The following LDB1 variants were observed in gnomAD, a reference collection of about 807,000 sequenced individuals.
LDB1 encodes the protein LIM domain binding 1, also known as LIM domain-binding protein 1.
A neutral mutation model predicts 49.7 loss-of-function variants in LDB1; 6 were observed. That is an observed-to-expected ratio of 0.12 (90% CI 0.07 to 0.24). The LOEUF (loss-of-function observed/expected upper bound fraction) is 0.24, where lower values mean the gene tolerates loss of function less well. Ranked by LOEUF, LDB1 falls within the 10% of genes least tolerant of loss-of-function variation. The pLI is 1.00. For missense variants in LDB1, 341 were observed against 561.7 expected, an observed-to-expected ratio of 0.61 and a Z score of 3.97; for synonymous variants, 233 against 202.0, an observed-to-expected ratio of 1.15 and a Z score of -1.30.
chr10:102,109,816 A>G lies in LDB1; in HGVS notation c.648+105T>C. Reference sequence around the variant, plus strand: ...TTAAACCTGCTGTTCAGATGAAGAAACCCTAACCCTCTGTCTAAGTAGTCA... The same window carrying G: ...TTAAACCTGCTGTTCAGATGAAGAAGCCCTAACCCTCTGTCTAAGTAGTCA... On this transcript the variant is annotated intron_variant, in intron 7 of 10. Coordinates refer to ENST00000673968, the MANE Select transcript of LDB1 (RefSeq NM_001113407.3). The surrounding 1 kb of genome is among the most constrained non-coding windows in gnomAD (Gnocchi z 5.8). 2.6e-6 allele frequency: 4 copies of G among 1,561,856 alleles called. No individual in the cohort carries two copies. Among genetic ancestry groups the G allele is most frequent in the Non-Finnish European group, 1.8e-6 (2 of 1,142,744 alleles).
chr10:102,114,812 G>GGGCGCCCCCCCCCCCCCCC, intron 1 of LDB1: 4 of 929,814 alleles, frequency 4.3e-6, no homozygotes, highest in Non-Finnish European at 5.1e-6. Context: ...CCTCCGAGCA[G>GGGCGCCCCCCCCCCCCCCC]CCCGCCCGCC....
At chr10:102,112,939 ACT>A (rs1201349569) in intron 1 of LDB1, among the ~76,000 whole-genome samples, 2 of 152,058 alleles carry the variant, frequency 1.3e-5, no homozygotes, top group East Asian at 1.9e-4. Context: ...TACCCCTGCA[ACT>A]CTGTTTCCCC....
In LDB1 at chr10:102,107,878, C is replaced by T. The variant is rs2068188142; in HGVS notation, c.*215G>A. 1 of 594,698 alleles carries T rather than the reference C, an allele frequency of 1.7e-6. No homozygotes were observed. The highest frequency in any genetic ancestry group is 3.0e-5 in the Admixed American group (1 of 33,294). The allele number at this position is 594,698 out of a possible 1,614,324, so 36.8% of individuals were successfully genotyped here. A position where few individuals can be genotyped will look rare whatever the true frequency, so the allele number is the denominator to read the frequency against. ...GTAGGCATCCACATGAGTACCCCCT[C>T]CCCCTAAAAGGCTCTGTAGAGGCCA... On this transcript the variant is annotated 3_prime_UTR_variant, in exon 11 of 11. Transcript: ENST00000673968.
chr10:102,114,600 C>T, intron 1 of LDB1: 4 of 985,110 alleles, frequency 4.1e-6, no homozygotes, highest in Non-Finnish European at 4.8e-6. Flanking sequence ...CGCCCCGCGG[C>T]GGCCGCTGTC....
intron 1 of LDB1, among the ~76,000 whole-genome samples, chr10:102,119,208 A>G (rs958956808): frequency 2.6e-5 from 4 of 152,158 alleles, no homozygotes; most frequent in Middle Eastern, 3.4e-3. Flanking sequence ...GGGGATGGAG[A>G]CAGACAGTGT....
In LDB1 at chr10:102,109,532, T is replaced by C. The variant is rs2068219025; in HGVS notation, c.733-25A>G. The C allele has an allele frequency of 1.9e-6, 3 of 1,613,974 alleles. No homozygotes were observed. The highest frequency in any genetic ancestry group is 1.7e-6 in the Non-Finnish European group (2 of 1,180,008). ...GCTAGGGGTAGACAAGGAGGTGGCT[T>C]GTCAGGGGACAGACATGGAGCCGAG... On this transcript the variant is annotated intron_variant, in intron 8 of 10. Coordinates refer to ENST00000673968, the MANE Select transcript of LDB1 (RefSeq NM_001113407.3). The surrounding 1 kb of genome is among the most constrained non-coding windows in gnomAD (Gnocchi z 5.8).
chr10:102,110,405 G>T, intron 6 of LDB1, 124 bp downstream of exon 6: 2 of 965,896 alleles, frequency 2.1e-6, no homozygotes, highest in Non-Finnish European at 3.1e-6. Flanking sequence ...ATGCCTACCC[G>T]CCCTTCTTAT....
intron 1 of LDB1, among the ~76,000 whole-genome samples, chr10:102,116,912 C>T (rs1211184335): frequency 6.6e-6 from 1 of 151,606 alleles, no homozygotes; most frequent in Non-Finnish European, 1.5e-5. Flanking sequence ...AGTGCATTCA[C>T]AGGCAGTACC....
At position 102,109,632 on chromosome 10, in the gene LDB1, C is replaced by A; in HGVS notation, c.700G>T (p.Gly234Trp). Residue 234 changes from glycine to tryptophan, a missense_variant, in exon 8 of 11, where the codon GGG (glycine) becomes TGG (tryptophan). Coordinates refer to ENST00000673968, the MANE Select transcript of LDB1 (RefSeq NM_001113407.3). This position sits in a 1 kb window ranked among gnomAD's most constrained non-coding sequence, Gnocchi z 5.8. ...DQLSKNITRC[G>W]LSNSTLNYLR... ...TAGTTGAGAGTGGAATTGGACAGCC[C>A]ACACCGAGTGATGTTTTTGGAGAGC... 1 of 1,614,058 alleles carries A rather than the reference C, an allele frequency of 6.2e-7. No individual in the cohort carries two copies. Among genetic ancestry groups the A allele is most frequent in the South Asian group, 1.1e-5 (1 of 91,064 alleles).
At chr10:102,114,749 C>T in intron 1 of LDB1, 9 of 853,454 alleles carry the variant, frequency 1.1e-5, no homozygotes, top group Non-Finnish European at 1.3e-5. Context: ...GCTCTTTCCT[C>T]TCTCCTCCTC....
intron 1 of LDB1, 113 bp from the exon 2 acceptor site, chr10:102,111,649 G>A (rs1184799744): frequency 3.3e-6 from 2 of 610,928 alleles, no homozygotes; most frequent in Non-Finnish European, 5.7e-6. Context: ...CGAGGCTGCA[G>A]GGACCAGCCT....
chr10:102,114,570 TCG>T lies in LDB1; in HGVS notation c.26-3036_26-3035del, dbSNP rs980054161. The T allele has an allele frequency of 2.0e-5, 20 of 984,660 alleles. No homozygotes were observed. The African/African-American group carries it at 3.0e-4, about 15-fold the overall frequency. The allele number at this position is 984,660 out of a possible 1,614,324, so 61.0% of individuals were successfully genotyped here. A position where few individuals can be genotyped will look rare whatever the true frequency, so the allele number is the denominator to read the frequency against. Reference sequence around the variant, plus strand: ...TCCAGTCCGCCGGCCGCACAAAGACTCGCACGCACTGCCTCGGCCCGCCCCGC... The same window carrying T: ...TCCAGTCCGCCGGCCGCACAAAGACTCACGCACTGCCTCGGCCCGCCCCGC... On this transcript the variant is annotated intron_variant, in intron 1 of 10. Coordinates refer to ENST00000673968, the MANE Select transcript of LDB1 (RefSeq NM_001113407.3).
chr10:102,120,930 T>G (rs2068412544), upstream of LDB1, among the ~76,000 whole-genome samples: 5 of 152,206 alleles, frequency 3.3e-5, no homozygotes, highest in South Asian at 1.0e-3. Flanking sequence ...GCCAGCCTTC[T>G]TCTGGAGGCC....
In LDB1 at chr10:102,111,271, A is replaced by G; in HGVS notation, c.158T>C (p.Leu53Pro). ...GPTPMYPPTY[L>P]EPGIGRHTPY... ...CTCCACTTACCCAATCCCTGGCTCC[A>G]GGTATGTAGGCGGATACATGGGAGT... Residue 53 changes from leucine to proline, a missense_variant, in exon 3 of 11, where the codon CTG becomes CCG. This residue lies in a region of LDB1 where 233 missense variants were observed against 385.7 expected (regional missense o/e 0.60). Coordinates refer to ENST00000673968, the MANE Select transcript of LDB1 (RefSeq NM_001113407.3). 4.3e-6 allele frequency: 7 copies of G among 1,614,114 alleles called. No individual in the cohort carries two copies. The highest frequency in any genetic ancestry group is 5.9e-6 in the Non-Finnish European group (7 of 1,180,008).
Position 102,111,297 on chromosome 10 carries a change from T to C in LDB1, c.132A>G (p.Pro44=), listed in dbSNP as rs747652006. 6 of 1,613,880 alleles carry C rather than the reference T, an allele frequency of 3.7e-6. No homozygotes were observed. Among genetic ancestry groups the C allele is most frequent in the Non-Finnish European group, 5.1e-6 (6 of 1,179,968 alleles). The change falls in exon 3 of 11, where the codon CCA becomes CCG. Residue 44 remains proline (P), a synonymous_variant. Coordinates refer to ENST00000673968, the MANE Select transcript of LDB1 (RefSeq NM_001113407.3). ...GGTATGTAGGCGGATACATGGGAGT[T>C]GGGCTGTGTAAAGGAAGAGGCTATG... ...PGTMLDRDVG[P]TPMYPPTYLE... is the part of the protein sequence containing the mutation.
chr10:102,108,652 T>C (rs1470540644), intron 10 of LDB1, among the ~76,000 whole-genome samples: 1 of 152,118 alleles, frequency 6.6e-6, no homozygotes, highest in African/African-American at 2.4e-5. Flanking sequence ...ATCAAAAACA[T>C]GAGGGAGGGC....
Position 102,110,674 on chromosome 10 carries a change from T to G in LDB1, c.380A>C (p.Tyr127Ser), listed in dbSNP as rs1185246709. The G allele has an allele frequency of 6.2e-7, 1 of 1,613,620 alleles. No individual in the cohort carries two copies. The highest frequency in any genetic ancestry group is 1.7e-5 in the Admixed American group (1 of 59,968). The stretch of plus-strand genomic sequence containing the variant: ...ACCCCCCTCAAAGATGCTGCGGAAG[T>G]AGCGTGGGATCAGGGTCCGGCCAAT... The part of the protein sequence containing the change: ...YTIGRTLIPR[Y>S]FRSIFEGGAT... Residue 127 changes from tyrosine to serine, a missense_variant, in exon 6 of 11, where the codon TAC becomes TCC. This residue lies in a region of LDB1 where 233 missense variants were observed against 385.7 expected (regional missense o/e 0.60). Transcript: ENST00000673968.
chr10:102,103,737 C>T (rs1182189505), downstream of LDB1, among the ~76,000 whole-genome samples: 1 of 151,932 alleles, frequency 6.6e-6, no homozygotes. Flanking sequence ...TCACTTGAAC[C>T]CAGGAGGCGG....
chr10:102,110,091 C>A, intron 6 of LDB1, 48 bp from the exon 7 acceptor site: 2 of 1,579,132 alleles, frequency 1.3e-6, no homozygotes, highest in South Asian at 1.1e-5. Flanking sequence ...CATACCATAC[C>A]TGAAGGTATG....
Sources: allele counts gnomAD v4.1 joint callset (sites outside exome capture counted in the v4.1 genomes callset), GRCh38; gene constraint gnomAD v4.1.1; regional missense constraint gnomAD v4.1.1; non-coding constraint Gnocchi (gnomAD v3.1); transcripts MANE v1.5; gene names NCBI Gene and HGNC (gene_info 2026-07-23, HGNC 2026-07-21).